Variants in LRRC23 observed in about 807,000 individuals in gnomAD.
LRRC23 encodes leucine rich repeat containing 23.
LRRC23 carries 28 observed loss-of-function variants against 37.7 expected under a neutral mutation model. That is an observed-to-expected ratio of 0.74 (90% CI 0.55 to 1.02). The LOEUF (loss-of-function observed/expected upper bound fraction) is 1.02. Among genes scored for constraint, LRRC23 ranks in the 50% least tolerant of loss-of-function variants. The pLI is 0.00. For synonymous variants in LRRC23, 161 were observed against 165.4 expected (o/e 0.97, Z 0.20); for missense variants, 377 against 413.2 (o/e 0.91, Z 0.76).
intron 4 of LRRC23, 76 bp downstream of exon 4, chr12:6,906,738 T>A: frequency 6.7e-7 from 1 of 1,498,602 alleles, no homozygotes; most frequent in Non-Finnish European, 9.1e-7. Flanking sequence ...AGTATGGTCC[T>A]TGGCTAGGGC....
chr12:6,911,311 A>C (rs1008928616), intron 6 of LRRC23, among the ~76,000 whole-genome samples: 1 of 152,190 alleles, frequency 6.6e-6, no homozygotes, highest in Admixed American at 6.5e-5. Flanking sequence ...AGCATCTCCA[A>C]GTAGGGAGAG....
chr12:6,905,911 A>G lies in LRRC23; in HGVS notation c.193A>G (p.Asn65Asp). ...GCTTTCTCTGCTCTGTAAGACAGGC[A>G]ATGGGCTGGCTCATGCTTATGTCAA... ...EGLSLLCKTG[N>D]GLAHAYVKLE... Residue 65 changes from asparagine (N) to aspartate (D), a missense_variant, in exon 3 of 8, where the codon AAT becomes GAT. Around this residue, in one of 3 missense-constraint regions of LRRC23, gnomAD observed 106 missense variants for 105.9 expected, o/e 1.00. Coordinates refer to ENST00000443597, the MANE Select transcript of LRRC23 (RefSeq NM_001135217.2). 3.7e-6 allele frequency: 6 copies of G among 1,613,988 alleles called. No individual in the cohort carries two copies. Among genetic ancestry groups the G allele is most frequent in the Non-Finnish European group, 5.1e-6 (6 of 1,179,988 alleles).
chr12:6,904,860 G>T lies in LRRC23; in HGVS notation c.-265G>T, dbSNP rs1227114962. On this transcript the variant is annotated 5_prime_UTR_variant, in exon 1 of 8. In the 5' UTR this introduces an upstream ATG that the reference lacks. Transcript: ENST00000443597. Reference sequence around the variant, plus strand: ...GGACGGGAAAGTGGCGTGGTAACCAGGCAACTACTGATCAATCCCCTCCCC... The same window carrying T: ...GGACGGGAAAGTGGCGTGGTAACCATGCAACTACTGATCAATCCCCTCCCC... 3 of 152,244 alleles carry T rather than the reference G, an allele frequency of 2.0e-5. No homozygotes were observed. The highest frequency in any genetic ancestry group is 4.8e-5 in the African/African-American group (2 of 41,442). The allele number at this position is 152,244 out of a possible 1,614,324, so 9.4% of individuals were successfully genotyped here.
intron 5 of LRRC23, among the ~76,000 whole-genome samples, chr12:6,909,079 T>TTA (rs1555140159): frequency 2.9e-5 from 1 of 34,526 alleles, no homozygotes; most frequent in Admixed American, 5.1e-4. Context: ...ATATTATATA[T>TTA]TATATAATTA....
intron 5 of LRRC23, among the ~76,000 whole-genome samples, chr12:6,909,378 TTATATAA>T (rs1945092202): frequency 2.9e-5 from 1 of 34,938 alleles, no homozygotes; most frequent in Non-Finnish European, 4.3e-5. Flanking sequence ...ATAATATATT[TTATATAA>T]TATATAAATA....
At chr12:6,912,691 C>T (rs782299591) in intron 6 of LRRC23, 39 bp from the exon 7 acceptor site, 3 of 1,591,642 alleles carry the variant, frequency 1.9e-6, no homozygotes, top group Non-Finnish European at 2.6e-6. Context: ...AACCAAAGCC[C>T]ATTATTCCTG....
Position 6,905,967 on chromosome 12 carries a change from G to T in LRRC23, c.236+13G>T. 1 of 1,607,564 alleles carries T rather than the reference G, an allele frequency of 6.2e-7. No homozygotes were observed. The highest frequency in any genetic ancestry group is 1.1e-5 in the South Asian group (1 of 90,834). On this transcript the variant is annotated intron_variant, in intron 3 of 7. Coordinates refer to ENST00000443597, the MANE Select transcript of LRRC23 (RefSeq NM_001135217.2). ...AGGTTAAAGAGAGGTGCGTTTTGGGGGGACCAGATGAGGACTGTGAGACTG... is the reference window on the plus strand; with the variant it reads ...AGGTTAAAGAGAGGTGCGTTTTGGGTGGACCAGATGAGGACTGTGAGACTG...
At chr12:6,910,071 G>A in intron 6 of LRRC23, 45 bp downstream of exon 6, 2 of 1,555,652 alleles carry the variant, frequency 1.3e-6, no homozygotes, top group Non-Finnish European at 1.7e-6. Flanking sequence ...CCCCTGACCA[G>A]GTGCAGCTTT....
At chr12:6,909,137 ATATAT>A (rs1555140234) in intron 5 of LRRC23, among the ~76,000 whole-genome samples, 6 of 16,276 alleles carry the variant, frequency 3.7e-4, no homozygotes, top group African/African-American at 1.0e-3. Context: ...ATATATAATT[ATATAT>A]TATATATTAT....
At chr12:6,913,558 T>TG (rs1384450142) in intron 7 of LRRC23, among the ~76,000 whole-genome samples, 17 of 100,858 alleles carry the variant, frequency 1.7e-4, no homozygotes, top group South Asian at 1.3e-3. Flanking sequence ...TCTGTTTGTT[T>TG]TTTTTTTTTT....
intron 3 of LRRC23, 105 bp downstream of exon 3, chr12:6,906,059 T>C (rs892891922): frequency 9.9e-7 from 1 of 1,009,214 alleles, no homozygotes; most frequent in Non-Finnish European, 1.5e-6. Context: ...ACTCTTCTCA[T>C]GCCTAGTGGA....
At chr12:6,910,676 C>T (rs954988122) in intron 6 of LRRC23, among the ~76,000 whole-genome samples, 1 of 152,064 alleles carries the variant, frequency 6.6e-6, no homozygotes, top group Non-Finnish European at 1.5e-5. Flanking sequence ...CCGCTGCACT[C>T]CAGCCTGGGT....
Position 6,905,672 on chromosome 12 carries a change from C to T in LRRC23, c.39C>T (p.Asp13=), listed in dbSNP as rs1944923672. ...ATGATCTAGAAGACTCTGAGCCAGA[C>T]CAGGATGATTCTGAGAAAGAAGAGG... The part of the protein sequence containing the change: ...DEDDLEDSEP[D]QDDSEKEEDE... Residue 13 remains aspartate, a synonymous_variant, in exon 2 of 8, where the codon GAC becomes GAT. Coordinates refer to ENST00000443597, the MANE Select transcript of LRRC23 (RefSeq NM_001135217.2). 3 of 1,613,082 alleles carry T rather than the reference C, an allele frequency of 1.9e-6. No homozygotes were observed. The highest frequency in any genetic ancestry group is 2.7e-5 in the African/African-American group (2 of 74,646).
chr12:6,913,889 A>C lies in LRRC23; in HGVS notation c.*25-2A>C. On this transcript the variant is annotated splice_acceptor_variant, in intron 7 of 7. Transcript: ENST00000443597. LOFTEE classifies it low-confidence loss of function (3UTR_SPLICE). ...CTATTTACTTCTGTCTTCTACCTCC[A>C]GGAGATCAAAGACGCTGGCCTTCAG... The C allele has an allele frequency of 6.3e-7, 1 of 1,583,752 alleles. No homozygotes were observed. Among genetic ancestry groups the C allele is most frequent in the East Asian group, 2.3e-5 (1 of 44,436 alleles).
intron 5 of LRRC23, among the ~76,000 whole-genome samples, chr12:6,907,964 T>C (rs2138144030): frequency 6.6e-6 from 1 of 152,258 alleles, no homozygotes; most frequent in East Asian, 1.9e-4. Context: ...CATACACCAG[T>C]TGCAAGTCCA....
Position 6,914,179 on chromosome 12 carries a change from T to A in LRRC23, c.*313T>A. ...TGCTGGTAGGAGTGGTTGGAGAGAC[T>A]TGCGAAGGCGGCTGGGGTGTTCGGA... On this transcript the variant is annotated 3_prime_UTR_variant, in exon 8 of 8. Coordinates refer to ENST00000443597, the MANE Select transcript of LRRC23 (RefSeq NM_001135217.2). This position sits in a 1 kb window ranked among gnomAD's most constrained non-coding sequence, Gnocchi z 7.1. 9.8e-7 allele frequency: 1 copy of A among 1,024,940 alleles called. No individual in the cohort carries two copies. The highest frequency in any genetic ancestry group is 1.4e-6 in the Non-Finnish European group (1 of 715,624). 63.5% of individuals were successfully genotyped at this position (1,024,940 alleles called of 1,614,324 possible). A position where few individuals can be genotyped will look rare whatever the true frequency, so the allele number is the denominator to read the frequency against.
intron 5 of LRRC23, among the ~76,000 whole-genome samples, chr12:6,908,618 A>AG (rs1945012247): frequency 1.4e-5 from 1 of 72,270 alleles, no homozygotes; most frequent in Non-Finnish European, 2.9e-5. Context: ...AAAAAAAAAA[A>AG]AACCAAAGAA....
intron 6 of LRRC23, among the ~76,000 whole-genome samples, chr12:6,912,198 G>A (rs994920964): frequency 6.6e-6 from 1 of 152,096 alleles, no homozygotes; most frequent in African/African-American, 2.4e-5. Context: ...CCTACAGGGT[G>A]GAGTGCAGTG....
In LRRC23 at chr12:6,907,455, TG is replaced by T; in HGVS notation, c.621+13del. 6.2e-7 allele frequency: 1 copy of T among 1,613,976 alleles called. No homozygotes were observed. The highest frequency in any genetic ancestry group is 1.1e-5 in the South Asian group (1 of 91,074). ...GAAGAACCTCTACCTGGTAGCTCACTGGGTCAGAGGGTGGTGCAGGGAAGAG... is the reference window on the plus strand; with the variant it reads ...GAAGAACCTCTACCTGGTAGCTCACTGGTCAGAGGGTGGTGCAGGGAAGAG... On this transcript the variant is annotated intron_variant, in intron 5 of 7. Coordinates refer to ENST00000443597, the MANE Select transcript of LRRC23 (RefSeq NM_001135217.2).
Sources: allele counts gnomAD v4.1 joint callset (sites outside exome capture counted in the v4.1 genomes callset), GRCh38; gene constraint gnomAD v4.1.1; regional missense constraint gnomAD v4.1.1; non-coding constraint Gnocchi (gnomAD v3.1); transcripts MANE v1.5; gene names NCBI Gene and HGNC (gene_info 2026-07-23, HGNC 2026-07-21).